The following PRRC2C variants were observed in gnomAD, a reference collection of about 807,000 sequenced individuals.
The protein encoded by PRRC2C is protein PRRC2C.
A neutral mutation model predicts 317.2 loss-of-function variants in PRRC2C; 72 were observed. The observed-to-expected ratio is 0.23, with a 90% confidence interval of 0.19 to 0.28. PRRC2C has a LOEUF of 0.28. Among genes scored for constraint, PRRC2C ranks in the 10% least tolerant of loss-of-function variants. The probability of loss-of-function intolerance (pLI) is 1.00; values close to 1 mark genes in which losing one functional copy is unlikely to be tolerated. For missense variants in PRRC2C, 3,074 were observed against 3,459.7 expected (o/e 0.89, Z 2.80); for synonymous variants, 1,296 against 1,205.9 (o/e 1.07, Z -1.55).
chr1:171,512,553 T>TA (rs1298741734), intron 2 of PRRC2C: 1 of 276,946 alleles, frequency 3.6e-6, no homozygotes, highest in African/African-American at 2.2e-5. Context: ...GAGAAAGTCT[T>TA]ATGTTTCGTG....
Position 171,545,464 on chromosome 1 carries a change from G to C in PRRC2C, c.4764-15G>C, listed in dbSNP as rs200006747. ...GTAGGTGGAAATAGTAATATCTCAA[G>C]TTATTTTTTTGTAGGCCATTTGATG... On this transcript the variant is annotated splice_polypyrimidine_tract_variant and intron_variant, in intron 16 of 34. Transcript: ENST00000647382. The C allele has an allele frequency of 6.5e-7, 1 of 1,548,272 alleles. No individual in the cohort carries two copies. Among genetic ancestry groups the C allele is most frequent in the Non-Finnish European group, 8.7e-7 (1 of 1,145,538 alleles).
chr1:171,573,321 T>C (rs185719532), intron 24 of PRRC2C, among the ~76,000 whole-genome samples: 3 of 152,352 alleles, frequency 2.0e-5, no homozygotes, highest in African/African-American at 4.8e-5. Flanking sequence ...CTGTATGTTA[T>C]GTAAGTTTGA....
chr1:171,565,988 T>G (rs972180120), intron 20 of PRRC2C, among the ~76,000 whole-genome samples: 1 of 152,204 alleles, frequency 6.6e-6, no homozygotes, highest in Admixed American at 6.5e-5. Context: ...TTGCCCATGA[T>G]CACACTCATG....
Position 171,532,967 on chromosome 1 carries a change from A to C in PRRC2C, c.1873+6A>C, listed in dbSNP as rs764189251. On this transcript the variant is annotated splice_donor_region_variant and intron_variant, in intron 12 of 34. Coordinates refer to ENST00000647382, the MANE Select transcript of PRRC2C (RefSeq NM_001387844.1). ...TGAAAACAGCTGTAATAAAGGTTTG[A>C]TAGTATTCTTCATTCTCTTTTAAAA... 2.6e-6 allele frequency: 4 copies of C among 1,533,630 alleles called. No homozygotes were observed. The highest frequency in any genetic ancestry group is 2.3e-5 in the East Asian group (1 of 43,636).
At chr1:171,582,652 AAATCTAAAC>A (rs945037335) in intron 28 of PRRC2C, among the ~76,000 whole-genome samples, 3 of 152,300 alleles carry the variant, frequency 2.0e-5, no homozygotes, top group Non-Finnish European at 2.9e-5. Flanking sequence ...CTAAACATAG[AAATCTAAAC>A]AATCTAAACA....
Position 171,587,026 on chromosome 1 carries a change from G to A in PRRC2C, c.7773G>A (p.Ser2591=), listed in dbSNP as rs235501. 1.0e-5 allele frequency: 16 copies of A among 1,607,592 alleles called. No individual in the cohort carries two copies. The highest frequency in any genetic ancestry group is 1.4e-5 in the Non-Finnish European group (16 of 1,176,596). ...LQQVTVPLPA[S]QLSLPNFGST... is the part of the protein sequence containing the mutation. The stretch of plus-strand genomic sequence containing the variant: ...AGGTTACAGTACCTTTACCAGCATC[G>A]CAGCTTTCCTTGCCTAATTTTGGAT... The change falls in exon 31 of 35, where the codon TCG becomes TCA. Residue 2591 remains serine (S), a synonymous_variant. Transcript: ENST00000647382.
intron 1 of PRRC2C, among the ~76,000 whole-genome samples, chr1:171,506,974 A>T (rs949393196): frequency 5.3e-5 from 8 of 152,296 alleles, no homozygotes; most frequent in South Asian, 4.1e-4. Flanking sequence ...TTGTCCACTA[A>T]TTCTAACATC....
rs767302751 is a variant in PRRC2C, at chr1:171,541,092, G to A, written c.3626G>A (p.Arg1209His). The change falls in exon 16 of 35, where the codon CGT (arginine) becomes CAT (histidine). Residue 1209 changes from arginine to histidine, a missense_variant. Coordinates refer to ENST00000647382, the MANE Select transcript of PRRC2C (RefSeq NM_001387844.1). This position sits in a 1 kb window ranked among gnomAD's most constrained non-coding sequence, Gnocchi z 4.1. ...GRSYRGSYGG[R>H]GRGGRGHTRD... ...AGCTATAGAGGTTCTTATGGAGGGC[G>A]TGGCAGGGGTGGTAGGGGACACACT... is the stretch of plus-strand genomic sequence containing the variant. The A allele has an allele frequency of 1.1e-5, 18 of 1,613,658 alleles. No homozygotes were observed. Among genetic ancestry groups the A allele is most frequent in the East Asian group, 2.2e-5 (1 of 44,878 alleles).
chr1:171,510,190 G>A (rs1191803774), intron 1 of PRRC2C: 3 of 152,148 alleles, frequency 2.0e-5, no homozygotes, highest in Admixed American at 2.0e-4. Context: ...AGTAGGTGTA[G>A]GAAGGAAAGT....
At chr1:171,588,342 G>A (rs1228927727) in intron 32 of PRRC2C, 37 bp from the exon 33 acceptor site, 1 of 1,599,108 alleles carries the variant, frequency 6.3e-7, no homozygotes, top group Non-Finnish European at 8.5e-7. Flanking sequence ...TATTTACTTG[G>A]TATTACTATA....
At chr1:171,530,745 T>G (rs1571826756) in intron 11 of PRRC2C, among the ~76,000 whole-genome samples, 2 of 152,166 alleles carry the variant, frequency 1.3e-5, no homozygotes, top group African/African-American at 2.4e-5. Context: ...AATTAAAGAC[T>G]GATGACACCA....
At chr1:171,539,229 G>A (rs746897170) in intron 15 of PRRC2C, among the ~76,000 whole-genome samples, 8 of 151,732 alleles carry the variant, frequency 5.3e-5, no homozygotes, top group East Asian at 2.0e-4. Context: ...TCGAACTCCC[G>A]ACCTCAGGTG....
intron 25 of PRRC2C, among the ~76,000 whole-genome samples, chr1:171,575,629 G>A (rs1401480793): frequency 2.0e-5 from 3 of 152,192 alleles, no homozygotes; most frequent in Non-Finnish European, 4.4e-5. Flanking sequence ...AAGTTAGAAG[G>A]TGCTTTTCTT....
At chr1:171,560,751 A>G (rs1682525434) in intron 19 of PRRC2C, among the ~76,000 whole-genome samples, 1 of 152,234 alleles carries the variant, frequency 6.6e-6, no homozygotes. Context: ...AACTTTTGAT[A>G]TGCACTTGGA....
intron 1 of PRRC2C, among the ~76,000 whole-genome samples, chr1:171,505,621 A>C (rs1670033168): frequency 6.6e-6 from 1 of 152,170 alleles, no homozygotes; most frequent in African/African-American, 2.4e-5. Context: ...AGAAGTGTTA[A>C]GAGAGAGTGG....
At chr1:171,535,851 A>C (rs1676734095) in intron 13 of PRRC2C, among the ~76,000 whole-genome samples, 178 bp from the exon 14 acceptor site, 1 of 152,172 alleles carries the variant, frequency 6.6e-6, no homozygotes, top group Non-Finnish European at 1.5e-5. Flanking sequence ...GTATAAGGTA[A>C]AATGTTATAG....
rs186228153 is a variant in PRRC2C, at chr1:171,526,955, C to T, written c.1201-836C>T. 9.3e-4 allele frequency among the ~76,000 whole-genome samples: 141 copies of T among 151,372 alleles called. 1 individual carries two copies. Among genetic ancestry groups the T allele is most frequent in the Non-Finnish European group, 1.1e-3 (77 of 67,816 alleles). On this transcript the variant is annotated intron_variant, in intron 10 of 34. Coordinates refer to ENST00000647382, the MANE Select transcript of PRRC2C (RefSeq NM_001387844.1). Reference sequence around the variant, plus strand: ...TCCCAAGTAGCTGGGATTACAGGCTCCTGCCCCCATGCCTGGCTAATTTTT... The same window carrying T: ...TCCCAAGTAGCTGGGATTACAGGCTTCTGCCCCCATGCCTGGCTAATTTTT...
chr1:171,506,687 TTGTGTGTGTG>T (rs34060083), intron 1 of PRRC2C, among the ~76,000 whole-genome samples: 12 of 136,658 alleles, frequency 8.8e-5, no homozygotes, highest in East Asian at 4.2e-4. Context: ...TTTTTTTTCT[TTGTGTGTGTG>T]TGTGTGTGTG....
chr1:171,592,016 TA>T lies in PRRC2C; in HGVS notation c.*170del. On this transcript the variant is annotated 3_prime_UTR_variant, in exon 35 of 35. Transcript: ENST00000647382. ...AATTTACACTGACACACAGCTGCTGTACCAGTGAAAACGAGGCTTTGCAAGC... is the reference window on the plus strand; with the variant it reads ...AATTTACACTGACACACAGCTGCTGTCCAGTGAAAACGAGGCTTTGCAAGC... The T allele has an allele frequency of 1.3e-6, 1 of 792,384 alleles. No homozygotes were observed. The highest frequency in any genetic ancestry group is 2.2e-5 in the South Asian group (1 of 45,166). 49.1% of individuals were successfully genotyped at this position (792,384 alleles called of 1,614,324 possible). A position where few individuals can be genotyped will look rare whatever the true frequency, so the allele number is the denominator to read the frequency against.
Sources: allele counts gnomAD v4.1 joint callset (sites outside exome capture counted in the v4.1 genomes callset), GRCh38; gene constraint gnomAD v4.1.1; non-coding constraint Gnocchi (gnomAD v3.1); transcripts MANE v1.5; gene names NCBI Gene and HGNC (gene_info 2026-07-23, HGNC 2026-07-21).